The following EGFR variants were observed in gnomAD, a reference collection of about 807,000 sequenced individuals.
The protein encoded by EGFR is epidermal growth factor receptor.
A neutral mutation model predicts 143.0 loss-of-function variants in EGFR; 58 were observed. That is an observed-to-expected ratio of 0.41 (90% confidence interval 0.33 to 0.50). The LOEUF is 0.50. EGFR is among the 20% of genes least tolerant of loss of function. The pLI is 0.39. For missense variants in EGFR, 1,307 were observed against 1,579.0 expected (o/e 0.83, Z 2.92); for synonymous variants, 613 against 594.4 (o/e 1.03, Z -0.45).
chr7:55,166,231 A>C (rs1202804067), intron 15 of EGFR: 2 of 543,836 alleles, frequency 3.7e-6, no homozygotes, highest in Non-Finnish European at 7.2e-6. Context: ...TATTTACTGG[A>C]ATAATAAAGC....
intron 15 of EGFR, chr7:55,168,475 TA>T: frequency 9.1e-7 from 1 of 1,094,518 alleles, no homozygotes; most frequent in Non-Finnish European, 1.4e-6. Context: ...AGATTTAAAT[TA>T]AAAATGTTAG....
chr7:55,198,635 A>G (rs1787719997), intron 22 of EGFR, 82 bp from the exon 23 acceptor site: 3 of 1,596,872 alleles, frequency 1.9e-6, no homozygotes, highest in East Asian at 4.5e-5. Context: ...AGAAACAGTA[A>G]CCAGTAATGA....
At chr7:55,146,503 T>C in intron 3 of EGFR, 103 bp from the exon 4 acceptor site, 2 of 1,565,740 alleles carry the variant, frequency 1.3e-6, no homozygotes, top group Admixed American at 1.8e-5. Flanking sequence ...GTTCGCACCA[T>C]GGCATCTCTT....
intron 25 of EGFR, 57 bp downstream of exon 25, chr7:55,201,412 T>C (rs2128971928): frequency 6.2e-7 from 1 of 1,612,194 alleles, no homozygotes; most frequent in Non-Finnish European, 8.5e-7. Flanking sequence ...TTTGAACAAA[T>C]TGAATTTTAG....
chr7:55,077,532 C>T (rs1247332902), intron 1 of EGFR, among the ~76,000 whole-genome samples: 1 of 152,184 alleles, frequency 6.6e-6, no homozygotes, highest in Non-Finnish European at 1.5e-5. Context: ...CCCTTTTGCA[C>T]ACCCTGCCTC....
chr7:55,170,413 G>T (rs780600637), intron 15 of EGFR: 55 of 1,614,038 alleles, frequency 3.4e-5, no homozygotes, highest in Non-Finnish European at 4.2e-5. Flanking sequence ...GAGCCCAGCT[G>T]CTCAGGAGTC....
At chr7:55,095,905 GACAT>G (rs1421384381) in intron 1 of EGFR, among the ~76,000 whole-genome samples, 3 of 149,148 alleles carry the variant, frequency 2.0e-5, no homozygotes, top group Non-Finnish European at 3.0e-5. Flanking sequence ...CACACAGAGA[GACAT>G]ACATACAATA....
chr7:55,045,655 G>A (rs926818752), intron 1 of EGFR, among the ~76,000 whole-genome samples: 7 of 152,174 alleles, frequency 4.6e-5, no homozygotes, highest in Admixed American at 1.3e-4. Flanking sequence ...CTCACCTGTC[G>A]AGTGTCAACA....
At chr7:55,055,582 G>A (rs1788758339) in intron 1 of EGFR, among the ~76,000 whole-genome samples, 1 of 152,126 alleles carries the variant, frequency 6.6e-6, no homozygotes, top group South Asian at 2.1e-4. Flanking sequence ...TAATGGCATA[G>A]GTTATTGTTT....
intron 14 of EGFR, among the ~76,000 whole-genome samples, chr7:55,164,723 C>A (rs1785881938): frequency 6.6e-6 from 1 of 152,190 alleles, no homozygotes; most frequent in African/African-American, 2.4e-5. Context: ...ACAACCTGAG[C>A]AGTGCTTTTA....
intron 19 of EGFR, chr7:55,180,012 C>T (rs565835557): frequency 6.6e-6 from 1 of 152,362 alleles, no homozygotes; most frequent in Admixed American, 6.5e-5. Flanking sequence ...GTCTGTGTCC[C>T]CTCGCCCCAC....
intron 4 of EGFR, among the ~76,000 whole-genome samples, chr7:55,148,358 T>C (rs925525258): frequency 6.6e-5 from 10 of 152,096 alleles, no homozygotes; most frequent in Non-Finnish European, 1.2e-4. Context: ...CAGGTCTCCA[T>C]GTTCTGTACA....
At chr7:55,022,466 T>C (rs2128856541) in intron 1 of EGFR, among the ~76,000 whole-genome samples, 1 of 152,262 alleles carries the variant, frequency 6.6e-6, no homozygotes, top group East Asian at 1.9e-4. Flanking sequence ...GCCTGGCAAT[T>C]GGGACCTTTC....
chr7:55,178,952 T>C (rs757372349), intron 19 of EGFR, among the ~76,000 whole-genome samples: 4 of 152,214 alleles, frequency 2.6e-5, no homozygotes, highest in African/African-American at 4.8e-5. Context: ...GAAGTAGGTA[T>C]GTGCCTAGAT....
chr7:55,197,138 T>C (rs1012083362), intron 22 of EGFR, among the ~76,000 whole-genome samples: 1 of 152,252 alleles, frequency 6.6e-6, no homozygotes, highest in African/African-American at 2.4e-5. Context: ...TTTCTATCCA[T>C]GAGCATGGAA....
rs751948988 is a variant in EGFR at position 55,173,034 on chromosome 7, G to A, written c.1971G>A (p.Leu657=). The change falls in exon 17 of 28, where the codon CTG becomes CTA. Residue 657 remains leucine, a synonymous_variant. Coordinates refer to ENST00000275493, the MANE Select transcript of EGFR (RefSeq NM_005228.5). ...GGATGGTGGGGGCCCTCCTCTTGCTGCTGGTGGTGGCCCTGGGGATCGGCC... is the reference window on the plus strand; with the variant it reads ...GGATGGTGGGGGCCCTCCTCTTGCTACTGGTGGTGGCCCTGGGGATCGGCC... ...ATGMVGALLL[L]LVVALGIGLF... 1 of 1,613,962 alleles carries A rather than the reference G, an allele frequency of 6.2e-7. No homozygotes were observed. The highest frequency in any genetic ancestry group is 1.1e-5 in the South Asian group (1 of 91,090).
At position 55,165,422 on chromosome 7, in the gene EGFR, C is replaced by T. The variant is rs1785924412; in HGVS notation, c.1865C>T (p.Pro622Leu). Residue 622 changes from proline to leucine, a missense_variant, in exon 15 of 28, where the codon CCA (proline) becomes CTA (leucine). Physicochemically the swap from Pro to Leu is moderately conservative, Grantham distance 98 (BLOSUM62 -3). Coordinates refer to ENST00000275493, the MANE Select transcript of EGFR (RefSeq NM_005228.5). ...GGCCATGTGTGCCACCTGTGCCATC[C>T]AAACTGCACCTACGGGTGAGTGGAA... ...DAGHVCHLCH[P>L]NCTYGCTGPG... is the part of the protein sequence containing the mutation. The T allele has an allele frequency of 6.2e-7, 1 of 1,613,762 alleles. No individual in the cohort carries two copies. The highest frequency in any genetic ancestry group is 1.3e-5 in the African/African-American group (1 of 74,928).
intron 1 of EGFR, among the ~76,000 whole-genome samples, chr7:55,053,797 T>A (rs1788629656): frequency 6.6e-6 from 1 of 152,220 alleles, no homozygotes; most frequent in Non-Finnish European, 1.5e-5. Context: ...TAGGAGGACA[T>A]CCGATTCCCA....
intron 1 of EGFR, among the ~76,000 whole-genome samples, chr7:55,025,644 A>G (rs541102443): frequency 4.6e-5 from 7 of 152,314 alleles, no homozygotes; most frequent in Middle Eastern, 3.4e-3. Flanking sequence ...ATTTGCTCAC[A>G]TATTTCCGTG....
Sources: gnomAD v4.1 joint callset for allele counts (sites outside exome capture counted in the v4.1 genomes callset) on GRCh38, gnomAD v4.1.1 for gene constraint, MANE v1.5 for transcripts, NCBI Gene and HGNC (gene_info 2026-07-23, HGNC 2026-07-21) for gene names.